The following KLF12 variants were observed in gnomAD, a reference collection of about 807,000 sequenced individuals.
KLF12 encodes KLF transcription factor 12.
KLF12 carries 9 observed loss-of-function variants against 37.8 expected under a neutral mutation model. The observed-to-expected ratio is 0.24, with a 90% confidence interval of 0.14 to 0.42. The LOEUF (loss-of-function observed/expected upper bound fraction) is 0.42, where lower values mean the gene tolerates loss of function less well. KLF12 is among the 10% of genes least tolerant of loss of function. The pLI is 1.00. For missense variants in KLF12, 411 were observed against 516.0 expected, an observed-to-expected ratio of 0.80 and a Z score of 1.97; for synonymous variants, 208 against 202.1, an observed-to-expected ratio of 1.03 and a Z score of -0.25.
In KLF12 at chr13:73,856,886, C is replaced by T. The variant is rs775464097; in HGVS notation, c.124-10513G>A. ...CCTGTAGTCCCAGCTACTCCAGAGG[C>T]TAAGGCATGAGAATCACTTGAACCC... is the stretch of plus-strand genomic sequence containing the variant. On this transcript the variant is annotated intron_variant, in intron 3 of 7. Transcript: ENST00000377669. Among the ~76,000 whole-genome samples, 72 of 152,184 alleles carry T rather than the reference C, an allele frequency of 4.7e-4. 1 individual carries two copies. The Middle Eastern group carries it at 0.027, about 58-fold the overall frequency.
At chr13:73,797,291 T>C (rs1011224855) in intron 5 of KLF12, among the ~76,000 whole-genome samples, 1 of 152,214 alleles carries the variant, frequency 6.6e-6, no homozygotes, top group African/African-American at 2.4e-5. Context: ...GGATGTTTCA[T>C]TATTGTATCA....
chr13:73,900,934 A>C lies in KLF12; in HGVS notation c.123+43047T>G, dbSNP rs971294864. On this transcript the variant is annotated intron_variant, in intron 3 of 7. Coordinates refer to ENST00000377669, the MANE Select transcript of KLF12 (RefSeq NM_007249.5). The stretch of plus-strand genomic sequence containing the variant: ...TTCTGAGTTCTAGTTTTAAAACCAG[A>C]AGATAAATTCTGAATCATAGACTGT... 1.1e-4 allele frequency among the ~76,000 whole-genome samples: 17 copies of C among 152,330 alleles called. 1 individual carries two copies. Among genetic ancestry groups the C allele is most frequent in the African/African-American group, 2.9e-4 (12 of 41,580 alleles).
intron 1 of KLF12, among the ~76,000 whole-genome samples, chr13:74,027,447 A>G (rs1893005039): frequency 6.6e-6 from 1 of 152,154 alleles, no homozygotes; most frequent in Non-Finnish European, 1.5e-5. Flanking sequence ...TGAGTGGCAT[A>G]TATAATTGTT....
the KLF12 span, among the ~76,000 whole-genome samples, chr13:74,150,617 T>G: frequency 6.6e-6 from 1 of 152,228 alleles, no homozygotes; most frequent in East Asian, 1.9e-4. Context: ...TATTGATAAC[T>G]TTTACCTTTC....
chr13:74,142,411 T>C, the KLF12 span, among the ~76,000 whole-genome samples: 6 of 152,344 alleles, frequency 3.9e-5, no homozygotes, highest in East Asian at 1.2e-3. Flanking sequence ...ACAAACTGAT[T>C]GCTGGTTTTG....
At chr13:74,264,182 G>T in the KLF12 span, among the ~76,000 whole-genome samples, 4 of 152,130 alleles carry the variant, frequency 2.6e-5, no homozygotes, top group Non-Finnish European at 5.9e-5. Flanking sequence ...TCAATTTGCT[G>T]ATGTTGAATA....
intron 1 of KLF12, among the ~76,000 whole-genome samples, chr13:74,100,932 G>GA (rs1020892547): frequency 2.6e-5 from 4 of 151,672 alleles, no homozygotes; most frequent in Admixed American, 6.6e-5. Context: ...TCTTTCAAAA[G>GA]AAAAAAAATT....
At chr13:74,147,676 A>C in the KLF12 span, among the ~76,000 whole-genome samples, 1 of 152,106 alleles carries the variant, frequency 6.6e-6, no homozygotes, top group South Asian at 2.1e-4. Flanking sequence ...TCAAGCTTCC[A>C]ATGCCTTGTC....
At chr13:74,065,204 A>ACG (rs1873837161) in intron 1 of KLF12, among the ~76,000 whole-genome samples, 1 of 34,650 alleles carries the variant, frequency 2.9e-5, no homozygotes, top group Non-Finnish European at 1.1e-4. Flanking sequence ...TGATTCTTAC[A>ACG]CACACACACA....
chr13:73,744,445 CT>C (rs1027458259), intron 6 of KLF12, among the ~76,000 whole-genome samples: 3 of 148,508 alleles, frequency 2.0e-5, no homozygotes, highest in African/African-American at 7.5e-5. Flanking sequence ...CAGGAGGGGT[CT>C]TTTCAAGATA....
chr13:74,203,338 A>G, the KLF12 span, among the ~76,000 whole-genome samples: 1,084 of 152,176 alleles, frequency 7.1e-3, 10 homozygotes, highest in African/African-American at 0.022. Flanking sequence ...GCTAGATGCA[A>G]GAAGATGATG....
At chr13:73,944,238 G>A (rs2139370136) in intron 2 of KLF12, among the ~76,000 whole-genome samples, 168 bp from the exon 3 acceptor site, 1 of 152,210 alleles carries the variant, frequency 6.6e-6, no homozygotes, top group South Asian at 2.1e-4. Context: ...CCCCTACTCT[G>A]AACTTTCATT....
chr13:74,185,155 T>C, the KLF12 span, among the ~76,000 whole-genome samples: 1 of 152,238 alleles, frequency 6.6e-6, no homozygotes, highest in South Asian at 2.1e-4. Context: ...CAATTGTTAA[T>C]ATGTATGCCA....
chr13:73,744,418 T>TAA (rs1878223119), intron 6 of KLF12, among the ~76,000 whole-genome samples: 1 of 151,874 alleles, frequency 6.6e-6, no homozygotes, highest in Non-Finnish European at 1.5e-5. Flanking sequence ...TTTGAAAGGG[T>TAA]GAGTGTAGGT....
At chr13:74,215,936 G>C in the KLF12 span, among the ~76,000 whole-genome samples, 9 of 152,154 alleles carry the variant, frequency 5.9e-5, no homozygotes, top group Non-Finnish European at 1.2e-4. Context: ...TTCTGCTTCT[G>C]CTAGAACAGG....
At chr13:73,702,128 G>A (rs1344260370) in intron 7 of KLF12, among the ~76,000 whole-genome samples, 2 of 152,052 alleles carry the variant, frequency 1.3e-5, no homozygotes, top group Non-Finnish European at 1.5e-5. Flanking sequence ...TGTATATGCA[G>A]CATATAAAAA....
At chr13:73,806,076 A>G (rs1233078823) in intron 5 of KLF12, among the ~76,000 whole-genome samples, 2 of 150,750 alleles carry the variant, frequency 1.3e-5, no homozygotes, top group African/African-American at 4.9e-5. Flanking sequence ...TTGGGATTAC[A>G]GGTGTCACCC....
At chr13:74,258,702 C>T in the KLF12 span, 1 of 152,040 alleles carries the variant, frequency 6.6e-6, no homozygotes, top group Non-Finnish European at 1.5e-5. Context: ...GCAGTTAATT[C>T]ATAGGTTAAA....
chr13:74,045,241 G>C (rs962250049), intron 1 of KLF12, among the ~76,000 whole-genome samples: 3 of 152,166 alleles, frequency 2.0e-5, no homozygotes, highest in African/African-American at 7.2e-5. Flanking sequence ...TGTCAGTATG[G>C]AGATGATAAG....
Sources: allele counts gnomAD v4.1 joint callset (sites outside exome capture counted in the v4.1 genomes callset), GRCh38; gene constraint gnomAD v4.1.1; transcripts MANE v1.5; gene names NCBI Gene and HGNC (gene_info 2026-07-23, HGNC 2026-07-21).